The following LAMA3 variants were observed in gnomAD, a reference collection of about 807,000 sequenced individuals.
LAMA3 encodes laminin subunit alpha 3, also known as laminin subunit alpha-3.
In LAMA3, 281 loss-of-function variants were observed where a neutral mutation model predicts 402.0. That is an observed-to-expected ratio of 0.70 (90% CI 0.63 to 0.77). LAMA3 has a LOEUF of 0.77. Among genes scored for constraint, LAMA3 ranks in the 30% least tolerant of loss-of-function variants. The pLI is 0.00. For synonymous variants in LAMA3, 1,431 were observed against 1,558.4 expected, an observed-to-expected ratio of 0.92 and a Z score of 1.93; for missense variants, 3,840 against 4,215.5, an observed-to-expected ratio of 0.91 and a Z score of 2.47.
intron 44 of LAMA3, among the ~76,000 whole-genome samples, chr18:23,896,018 C>T (rs1459174591): frequency 2.0e-5 from 3 of 152,140 alleles, no homozygotes; most frequent in Non-Finnish European, 1.5e-5. Context: ...TTCCTTGTGA[C>T]GTATCTGTAA....
At position 23,943,847 on chromosome 18, in the gene LAMA3, G is replaced by C. The variant is rs764478782; in HGVS notation, c.9086G>C (p.Gly3029Ala). 26 of 1,613,818 alleles carry C rather than the reference G, an allele frequency of 1.6e-5. No homozygotes were observed. The highest frequency in any genetic ancestry group is 2.1e-5 in the Non-Finnish European group (25 of 1,179,848). Residue 3029 changes from glycine (G) to alanine (A), a missense_variant, in exon 69 of 75, where the codon GGC (glycine) becomes GCC (alanine). Transcript: ENST00000313654. The part of the protein sequence containing the change: ...TSSRGLVFHT[G>A]TKNSFMALYL... ...TCCAGAGGACTGGTGTTTCACACGG[G>C]CACTAAGAACTCCTTTATGGCTCTT...
intron 2 of LAMA3, among the ~76,000 whole-genome samples, chr18:23,722,802 C>T (rs958445533): frequency 1.6e-4 from 24 of 152,154 alleles, no homozygotes; most frequent in African/African-American, 4.8e-4. Flanking sequence ...AAATGATAAA[C>T]GGAGGTCACT....
chr18:23,752,354 G>T (rs1365891571), intron 5 of LAMA3, among the ~76,000 whole-genome samples: 2 of 151,862 alleles, frequency 1.3e-5, no homozygotes, highest in Non-Finnish European at 2.9e-5. Flanking sequence ...TGCAAGATTT[G>T]CAGTCATATA....
chr18:23,821,840 T>G (rs2063290776), intron 19 of LAMA3, among the ~76,000 whole-genome samples: 1 of 152,194 alleles, frequency 6.6e-6, no homozygotes, highest in African/African-American at 2.4e-5. Context: ...TCTGAAGCAG[T>G]CTCTCTTTGG....
chr18:23,935,904 G>C (rs565250032), intron 67 of LAMA3, among the ~76,000 whole-genome samples: 88 of 152,128 alleles, frequency 5.8e-4, no homozygotes, highest in South Asian at 2.7e-3. Flanking sequence ...AACTGGGTCT[G>C]GAGTGTGGGT....
intron 1 of LAMA3, among the ~76,000 whole-genome samples, chr18:23,700,021 C>G (rs2145841023): frequency 6.6e-6 from 1 of 152,256 alleles, no homozygotes; most frequent in South Asian, 2.1e-4. Context: ...AATCCTTTAT[C>G]ACAAACCCTT....
At chr18:23,914,930 C>T (rs192011402) in intron 58 of LAMA3, 70 bp downstream of exon 58, 206 of 1,235,030 alleles carry the variant, frequency 1.7e-4, no homozygotes, top group Admixed American at 9.1e-4. Context: ...GACCTCATGT[C>T]TCTAATTGTT....
At chr18:23,760,497 T>A (rs1235474453) in intron 7 of LAMA3, among the ~76,000 whole-genome samples, 1 of 152,176 alleles carries the variant, frequency 6.6e-6, no homozygotes, top group Admixed American at 6.5e-5. Flanking sequence ...CTAACAAGAC[T>A]TGGAAATTTT....
At chr18:23,718,805 CTT>C (rs1226932841) in intron 2 of LAMA3, among the ~76,000 whole-genome samples, 2 of 152,206 alleles carry the variant, frequency 1.3e-5, no homozygotes, top group Non-Finnish European at 1.5e-5. Context: ...CTGCATCTGA[CTT>C]TGCTTCCTGC....
At chr18:23,801,527 A>G (rs745344339) in intron 12 of LAMA3, among the ~76,000 whole-genome samples, 1 of 152,182 alleles carries the variant, frequency 6.6e-6, no homozygotes, top group Non-Finnish European at 1.5e-5. Context: ...TGTCCCTTTC[A>G]TATACAAATT....
Position 23,872,997 on chromosome 18 carries a change from G to C in LAMA3, c.4998+1336G>C, listed in dbSNP as rs1319128294. 1.9e-6 allele frequency: 3 copies of C among 1,612,344 alleles called. No homozygotes were observed. In the African/African-American group the frequency reaches 4.0e-5, roughly 22 times the overall value. ...CTGAGCAGGAAGGGCAGGTATAAGA[G>C]GAAGAGGCAGAGGTTCCTGCGCAGC... On this transcript the variant is annotated intron_variant, in intron 38 of 74. Coordinates refer to ENST00000313654, the MANE Select transcript of LAMA3 (RefSeq NM_198129.4).
chr18:23,774,194 G>T (rs972979384), intron 9 of LAMA3, among the ~76,000 whole-genome samples: 2 of 152,238 alleles, frequency 1.3e-5, no homozygotes, highest in South Asian at 2.1e-4. Context: ...CTGCACTCCA[G>T]CCTGGATGAC....
Position 23,815,316 on chromosome 18 carries a change from G to A in LAMA3, c.1941+76G>A, listed in dbSNP as rs866254896. ...GCTTGTGGGGTTTCTGGGGGCGTGT[G>A]TTAGTACTTCTGTCATTCTACAGTG... is the stretch of plus-strand genomic sequence containing the variant. On this transcript the variant is annotated intron_variant, in intron 16 of 74. Transcript: ENST00000313654. 1.7e-5 allele frequency: 25 copies of A among 1,444,328 alleles called. No homozygotes were observed. In the South Asian group the frequency reaches 2.5e-4, roughly 15 times the overall value. 89.5% of individuals were successfully genotyped at this position (1,444,328 alleles called of 1,614,324 possible).
intron 5 of LAMA3, 97 bp downstream of exon 5, chr18:23,751,185 C>A (rs192272833): frequency 1.0e-5 from 12 of 1,148,066 alleles, no homozygotes; most frequent in Non-Finnish European, 1.4e-5. Context: ...CCTTTATAGC[C>A]TGTAATGATG....
intron 2 of LAMA3, among the ~76,000 whole-genome samples, chr18:23,724,254 TAC>T (rs1283932940): frequency 6.6e-6 from 1 of 152,228 alleles, no homozygotes; most frequent in Non-Finnish European, 1.5e-5. Flanking sequence ...TATGTACGTA[TAC>T]ATCTTTATTT....
chr18:23,810,264 G>A, intron 12 of LAMA3, 102 bp from the exon 13 acceptor site: 1 of 1,357,966 alleles, frequency 7.4e-7, no homozygotes, highest in South Asian at 1.2e-5. Context: ...ATTTGTGTTT[G>A]GGTCTTTCTG....
chr18:23,732,390 ATGTTAGG>A (rs1191322524), intron 2 of LAMA3, among the ~76,000 whole-genome samples: 1 of 152,182 alleles, frequency 6.6e-6, no homozygotes, highest in Non-Finnish European at 1.5e-5. Context: ...TGAACATGGT[ATGTTAGG>A]GACACACAGA....
chr18:23,830,205 G>T (rs73398319), intron 23 of LAMA3, among the ~76,000 whole-genome samples: 2,242 of 152,120 alleles, frequency 0.015, 49 homozygotes, highest in African/African-American at 0.052. Context: ...ATCCAGAGTT[G>T]GTCTCTCTTG....
intron 39 of LAMA3, among the ~76,000 whole-genome samples, chr18:23,877,927 C>G (rs2144878397): frequency 6.6e-6 from 1 of 151,968 alleles, no homozygotes; most frequent in South Asian, 2.1e-4. Flanking sequence ...CTGGCTAACA[C>G]AGTGAAACCC....
Sources: gnomAD v4.1 joint callset for allele counts (sites outside exome capture counted in the v4.1 genomes callset) on GRCh38, gnomAD v4.1.1 for gene constraint, MANE v1.5 for transcripts, NCBI Gene and HGNC (gene_info 2026-07-23, HGNC 2026-07-21) for gene names.